The following IGSF8 variants were observed in gnomAD, a reference collection of about 807,000 sequenced individuals.
IGSF8 encodes CD81 partner 3.
IGSF8 carries 46 observed loss-of-function variants against 55.5 expected under a neutral mutation model. The observed-to-expected ratio is 0.83, with a 90% CI of 0.65 to 1.06. The LOEUF (loss-of-function observed/expected upper bound fraction) is 1.06. Among genes scored for constraint, IGSF8 ranks in the 50% least tolerant of loss-of-function variants. The pLI, the probability that IGSF8 is intolerant of heterozygous loss-of-function variation, is 0.00. For synonymous variants in IGSF8, 314 were observed against 356.1 expected, an observed-to-expected ratio of 0.88 and a Z score of 1.33; for missense variants, 731 against 832.3, an observed-to-expected ratio of 0.88 and a Z score of 1.50.
intron 5 of IGSF8, 65 bp from the exon 6 acceptor site, chr1:160,092,003 G>T: frequency 8.6e-7 from 1 of 1,160,908 alleles, no homozygotes; most frequent in Non-Finnish European, 1.3e-6. Context: ...ACTTGCCTCT[G>T]CGCTTTCCCC....
chr1:160,096,472 G>A (rs1650443731), intron 1 of IGSF8, among the ~76,000 whole-genome samples: 1 of 152,168 alleles, frequency 6.6e-6, no homozygotes, highest in Admixed American at 6.5e-5. Flanking sequence ...CCTCCCAGGG[G>A]GATACCATGG....
chr1:160,098,026 T>A, intron 1 of IGSF8: 2 of 977,514 alleles, frequency 2.0e-6, no homozygotes, highest in Non-Finnish European at 2.4e-6. Flanking sequence ...GGGCAGGCAC[T>A]GCCCTCGTAG....
chr1:160,098,596 C>A lies in IGSF8; in HGVS notation c.-124G>T, dbSNP rs1650621541. On this transcript the variant is annotated 5_prime_UTR_variant, in exon 1 of 7. Coordinates refer to ENST00000314485, the MANE Select transcript of IGSF8 (RefSeq NM_052868.6). The stretch of plus-strand genomic sequence containing the variant: ...GGCAGCGAGGCGTGGGTGCGCCGAG[C>A]GAGCTGAACTGGAGCTGCCGAATCC... 6.3e-6 allele frequency: 4 copies of A among 635,236 alleles called. No individual in the cohort carries two copies. Among genetic ancestry groups the A allele is most frequent in the Non-Finnish European group, 1.1e-5 (4 of 376,548 alleles). 39.3% of individuals were successfully genotyped at this position (635,236 alleles called of 1,614,324 possible). A position where few individuals can be genotyped will look rare whatever the true frequency, so the allele number is the denominator to read the frequency against.
intron 1 of IGSF8, chr1:160,097,887 G>A (rs541907538): frequency 2.0e-6 from 2 of 985,338 alleles, no homozygotes; most frequent in African/African-American, 3.5e-5. Context: ...GGGTGGAGAT[G>A]GGGGTGAGAG....
Position 160,094,997 on chromosome 1 carries a change from A to G in IGSF8, c.314T>C (p.Leu105Pro), listed in dbSNP as rs765725507. 5.6e-6 allele frequency: 9 copies of G among 1,614,096 alleles called. No individual in the cohort carries two copies. The highest frequency in any genetic ancestry group is 7.6e-6 in the Non-Finnish European group (9 of 1,180,032). The change falls in exon 2 of 7, where the codon CTA (leucine) becomes CCA (proline). Residue 105 changes from leucine to proline, a missense_variant. Coordinates refer to ENST00000314485, the MANE Select transcript of IGSF8 (RefSeq NM_052868.6). This position sits in a 1 kb window ranked among gnomAD's most constrained non-coding sequence, Gnocchi z 4.0. ...VVAGEVQVQRLQGDAVVLKIA... is the reference protein window; with the variant it reads ...VVAGEVQVQRPQGDAVVLKIA... ...CTTGAGCACCACGGCATCACCTTGT[A>G]GGCGCTGCACCTGCACCTCACCCGC...
In IGSF8 at chr1:160,092,847, G is replaced by C. The variant is rs538996059; in HGVS notation, c.1312+77C>G. On this transcript the variant is annotated intron_variant, in intron 4 of 6. Transcript: ENST00000314485. ...CTGTGGCCTGCAAACAGCTGACGGA[G>C]AGGGAGGGGTCATGGAAACAGAAGG... 8.6e-6 allele frequency: 13 copies of C among 1,511,504 alleles called. No homozygotes were observed. In the African/African-American group the frequency reaches 1.7e-4, roughly 19 times the overall value. 93.6% of individuals were successfully genotyped at this position (1,511,504 alleles called of 1,614,324 possible).
At position 160,092,632 on chromosome 1, in the gene IGSF8, G is replaced by C; in HGVS notation, c.1376C>G (p.Ser459Cys). The part of the protein sequence containing the change: ...GGTVYRGETA[S>C]LLCNISVRGG... ...CCGCACAGAGATGTTGCACAGCAGG[G>C]AGGCAGTCTCCCCGCGGTACACTGT... Residue 459 changes from serine to cysteine, a missense_variant, in exon 5 of 7, where the codon TCC becomes TGC. Coordinates refer to ENST00000314485, the MANE Select transcript of IGSF8 (RefSeq NM_052868.6). The C allele has an allele frequency of 6.2e-7, 1 of 1,603,950 alleles. No individual in the cohort carries two copies. Among genetic ancestry groups the C allele is most frequent in the South Asian group, 1.1e-5 (1 of 91,086 alleles).
rs1313499911 is a variant in IGSF8 at position 160,092,591 on chromosome 1, G to A, written c.1417C>T (p.Leu473=). 2 of 1,608,490 alleles carry A rather than the reference G, an allele frequency of 1.2e-6. No individual in the cohort carries two copies. The highest frequency in any genetic ancestry group is 4.5e-5 in the East Asian group (2 of 44,878). Reference sequence around the variant, plus strand: ...ACCCACCAGCTGGCGGCCAGCCGCAGTCCTGGGGGGCCACCCCGCACAGAG... The same window carrying A: ...ACCCACCAGCTGGCGGCCAGCCGCAATCCTGGGGGGCCACCCCGCACAGAG... ...NISVRGGPPG[L]RLAASWWVER... Residue 473 remains leucine (L), a synonymous_variant, in exon 5 of 7, where the codon CTG becomes TTG. Coordinates refer to ENST00000314485, the MANE Select transcript of IGSF8 (RefSeq NM_052868.6).
chr1:160,092,802 G>A (rs1051559774), intron 4 of IGSF8, 107 bp from the exon 5 acceptor site: 3 of 1,494,202 alleles, frequency 2.0e-6, no homozygotes, highest in Non-Finnish European at 2.7e-6. Flanking sequence ...CCACAATCTT[G>A]GTAGAAGAGG....
rs1321083740 is a variant in IGSF8 at position 160,093,896 on chromosome 1, C to A, written c.718G>T (p.Ala240Ser). ...AGAPYAERLAAGELRLGKEGT... is the reference protein window; with the variant it reads ...AGAPYAERLASGELRLGKEGT... ...TCCTTGCCCAGACGAAGCTCCCCTG[C>A]AGCCAATCGCTCAGCATAGGGAGCT... Residue 240 changes from alanine (A) to serine (S), a missense_variant, in exon 3 of 7, where the codon GCA becomes TCA. Transcript: ENST00000314485. 1.9e-6 allele frequency: 3 copies of A among 1,614,120 alleles called. No individual in the cohort carries two copies. Among genetic ancestry groups the A allele is most frequent in the African/African-American group, 1.3e-5 (1 of 74,946 alleles).
chr1:160,093,642 T>C, intron 3 of IGSF8, 68 bp downstream of exon 3: 1 of 1,294,664 alleles, frequency 7.7e-7, no homozygotes. Flanking sequence ...GTACCCCCTG[T>C]GGCCACAGTG....
Position 160,092,653 on chromosome 1 carries a change from A to G in IGSF8, c.1355T>C (p.Val452Ala). 6.2e-7 allele frequency: 1 copy of G among 1,601,262 alleles called. No homozygotes were observed. Among genetic ancestry groups the G allele is most frequent in the Non-Finnish European group, 8.5e-7 (1 of 1,179,904 alleles). The change falls in exon 5 of 7, where the codon GTG (valine) becomes GCG (alanine). Residue 452 changes from valine (V) to alanine (A), a missense_variant. Transcript: ENST00000314485. Reference protein sequence around the residue: ...EAVAWLAGGTVYRGETASLLC... With the variant: ...EAVAWLAGGTAYRGETASLLC... ...CAGGGAGGCAGTCTCCCCGCGGTAC[A>G]CTGTGCCTCCTGCTAGCCATGCCAC...
At chr1:160,097,922 G>A (rs1397598198) in intron 1 of IGSF8, 1 of 985,360 alleles carries the variant, frequency 1.0e-6, no homozygotes, top group East Asian at 1.1e-4. Context: ...AGTTGATGAA[G>A]TGCGTGGAGC....
chr1:160,097,932 C>G (rs934168003), intron 1 of IGSF8: 1 of 985,486 alleles, frequency 1.0e-6, no homozygotes, highest in Non-Finnish European at 1.2e-6. Context: ...GTGCGTGGAG[C>G]GCAACTGGGA....
chr1:160,095,276 T>A (rs774795137), intron 1 of IGSF8, 30 bp from the exon 2 acceptor site: 8 of 1,576,596 alleles, frequency 5.1e-6, no homozygotes, highest in Non-Finnish European at 6.9e-6. Flanking sequence ...GAGTTGGAGA[T>A]GCCTGGTTCC....
Position 160,092,578 on chromosome 1 carries a change from G to C in IGSF8, c.1430C>G (p.Ala477Gly). The change falls in exon 5 of 7, where the codon GCC becomes GGC. Residue 477 changes from alanine (A) to glycine (G), a missense_variant. Physicochemically the swap from Ala to Gly is moderately conservative, Grantham distance 60 (BLOSUM62 0). Coordinates refer to ENST00000314485, the MANE Select transcript of IGSF8 (RefSeq NM_052868.6). ...RGGPPGLRLA[A>G]SWWVERPEDG... The stretch of plus-strand genomic sequence containing the variant: ...CTCTGGTCGCTCCACCCACCAGCTG[G>C]CGGCCAGCCGCAGTCCTGGGGGGCC... The C allele has an allele frequency of 1.2e-6, 2 of 1,609,162 alleles. No homozygotes were observed. The highest frequency in any genetic ancestry group is 4.5e-5 in the East Asian group (2 of 44,872).
At chr1:160,092,773 C>T (rs922004145) in intron 4 of IGSF8, 78 bp from the exon 5 acceptor site, 9 of 1,528,514 alleles carry the variant, frequency 5.9e-6, no homozygotes, top group Middle Eastern at 1.7e-4. Flanking sequence ...AGCACCGCCC[C>T]AGGAAACTCA....
Position 160,094,238 on chromosome 1 carries a change from T to C in IGSF8, c.443-67A>G, listed in dbSNP as rs150511650. ...AGCCCTTGTTACTGTTTCCTGTGTATAGCCTATCTCCCTAAATAAACTGTG... is the reference window on the plus strand; with the variant it reads ...AGCCCTTGTTACTGTTTCCTGTGTACAGCCTATCTCCCTAAATAAACTGTG... On this transcript the variant is annotated intron_variant, in intron 2 of 6. Transcript: ENST00000314485. This position sits in a 1 kb window ranked among gnomAD's most constrained non-coding sequence, Gnocchi z 4.0. 1.4e-3 allele frequency: 1,419 copies of C among 981,224 alleles called. 18 individuals are homozygous for C. In the African/African-American group the frequency reaches 0.021, roughly 14 times the overall value. The allele number at this position is 981,224 out of a possible 1,614,324, so 60.8% of individuals were successfully genotyped here. A position where few individuals can be genotyped will look rare whatever the true frequency, so the allele number is the denominator to read the frequency against.
rs775459355 is a variant in IGSF8 at position 160,092,538 on chromosome 1, G to A, written c.1470C>T (p.Ser490=). The A allele has an allele frequency of 4.3e-6, 7 of 1,612,620 alleles. No homozygotes were observed. The highest frequency in any genetic ancestry group is 5.9e-6 in the Non-Finnish European group (7 of 1,179,748). The change falls in exon 5 of 7, where the codon AGC becomes AGT. Residue 490 remains serine (S), a synonymous_variant. Coordinates refer to ENST00000314485, the MANE Select transcript of IGSF8 (RefSeq NM_052868.6). ...CACCCACCAGCTGGGCAGGGACAGA[G>A]CTGAGCTCTCCGTCCTCTGGTCGCT... ...WVERPEDGEL[S]SVPAQLVGGV...
Sources: gnomAD v4.1 joint callset for allele counts (sites outside exome capture counted in the v4.1 genomes callset) on GRCh38, gnomAD v4.1.1 for gene constraint, Gnocchi (gnomAD v3.1) non-coding constraint, MANE v1.5 for transcripts, NCBI Gene and HGNC (gene_info 2026-07-23, HGNC 2026-07-21) for gene names.